The following PPP2R2B variants were observed in gnomAD, a reference collection of about 807,000 sequenced individuals.
PPP2R2B encodes the protein serine/threonine-protein phosphatase 2A 55 kDa regulatory subunit B beta isoform.
A neutral mutation model predicts 46.0 loss-of-function variants in PPP2R2B; 5 were observed. The observed-to-expected ratio is 0.11, with a 90% confidence interval of 0.06 to 0.23. The LOEUF is 0.23. Ranked by LOEUF, PPP2R2B falls within the 10% of genes least tolerant of loss-of-function variation. The pLI is 1.00. For missense variants in PPP2R2B, 367 were observed against 575.0 expected, an observed-to-expected ratio of 0.64 and a Z score of 3.70; for synonymous variants, 215 against 206.7, an observed-to-expected ratio of 1.04 and a Z score of -0.34.
intron 2 of PPP2R2B, among the ~76,000 whole-genome samples, chr5:147,067,224 C>T (rs542194663): frequency 4.1e-4 from 62 of 152,208 alleles, no homozygotes; most frequent in African/African-American, 1.5e-3. Flanking sequence ...GTATACAATA[C>T]CTTGTTATTG....
At chr5:146,752,433 C>T (rs576098100) in intron 2 of PPP2R2B, among the ~76,000 whole-genome samples, 17 of 152,302 alleles carry the variant, frequency 1.1e-4, no homozygotes, top group Non-Finnish European at 7.4e-5. Context: ...CATTTTATTT[C>T]TCAGAACTTA....
intron 1 of PPP2R2B, among the ~76,000 whole-genome samples, chr5:147,026,846 G>A (rs1048659434): frequency 6.6e-6 from 1 of 152,146 alleles, no homozygotes; most frequent in Admixed American, 6.5e-5. Flanking sequence ...CACTGCTGGT[G>A]AGAGTGTAAC....
intron 7 of PPP2R2B, chr5:146,607,319 G>T (rs1395922631): frequency 6.6e-6 from 1 of 152,066 alleles, no homozygotes; most frequent in Non-Finnish European, 1.5e-5. Flanking sequence ...TGCTACCAGG[G>T]GCCTAATGAC....
At chr5:146,781,312 A>C (rs1324473090) in intron 2 of PPP2R2B, among the ~76,000 whole-genome samples, 1 of 151,094 alleles carries the variant, frequency 6.6e-6, no homozygotes, top group East Asian at 1.9e-4. Context: ...CCACTACATT[A>C]TCCTGCCTCT....
intron 1 of PPP2R2B, among the ~76,000 whole-genome samples, chr5:147,018,585 T>C (rs1237052436): frequency 1.3e-5 from 2 of 152,162 alleles, no homozygotes; most frequent in Admixed American, 6.6e-5. Context: ...ATCTAGATTC[T>C]AGAAAATATA....
intron 1 of PPP2R2B, among the ~76,000 whole-genome samples, chr5:147,053,298 A>G (rs1382390093): frequency 2.2e-4 from 34 of 152,038 alleles, no homozygotes; most frequent in Non-Finnish European, 2.9e-5. Context: ...GAAGTTGGGA[A>G]GACAAGCCAA....
At chr5:146,958,130 AGC>A (rs2151839954) in intron 1 of PPP2R2B, among the ~76,000 whole-genome samples, 2 of 152,204 alleles carry the variant, frequency 1.3e-5, no homozygotes, top group South Asian at 4.2e-4. Context: ...CCTCAGATAC[AGC>A]AACGAGCAGA....
chr5:146,687,091 A>G (rs1242984257), intron 5 of PPP2R2B, among the ~76,000 whole-genome samples: 1 of 150,992 alleles, frequency 6.6e-6, no homozygotes, highest in Admixed American at 6.6e-5. Context: ...AGAGAGGGAG[A>G]GGAAGAGAGG....
Position 146,972,096 on chromosome 5 carries a change from G to A in PPP2R2B, c.79+83569C>T, listed in dbSNP as rs191393615. On this transcript the variant is annotated intron_variant, in intron 1 of 8. Coordinates refer to the PPP2R2B transcript ENST00000336640. ...TCACCTGGTTTCTGACAGTCTCTCC[G>A]TCTTCCTTTGCTCTTCATGACCTTA... is the stretch of plus-strand genomic sequence containing the variant. Among the ~76,000 whole-genome samples the A allele has an allele frequency of 1.1e-3, 168 of 152,204 alleles. 1 individual carries two copies. Among genetic ancestry groups the A allele is most frequent in the African/African-American group, 3.5e-3 (144 of 41,530 alleles).
intron 5 of PPP2R2B, among the ~76,000 whole-genome samples, chr5:146,654,228 T>A (rs1388852422): frequency 6.6e-6 from 1 of 152,104 alleles, no homozygotes; most frequent in Non-Finnish European, 1.5e-5. Context: ...GTAACCAACC[T>A]TCCAAGGAAG....
At chr5:147,079,250 A>G (rs1038272981) in intron 2 of PPP2R2B, among the ~76,000 whole-genome samples, 1 of 151,274 alleles carries the variant, frequency 6.6e-6, no homozygotes, top group Admixed American at 6.6e-5. Context: ...AAATCAGTAC[A>G]TAGAAGAGAA....
At chr5:146,777,067 C>T (rs1051941607) in intron 2 of PPP2R2B, among the ~76,000 whole-genome samples, 6 of 151,942 alleles carry the variant, frequency 3.9e-5, no homozygotes, top group Non-Finnish European at 7.4e-5. Flanking sequence ...ATGCAGCTTC[C>T]ATCCTCAAAA....
chr5:146,721,030 T>A (rs909381397), intron 2 of PPP2R2B, among the ~76,000 whole-genome samples: 3 of 152,174 alleles, frequency 2.0e-5, no homozygotes, highest in African/African-American at 7.2e-5. Context: ...TTATTTTTTA[T>A]TTCTTGAAAA....
intron 2 of PPP2R2B, among the ~76,000 whole-genome samples, chr5:146,731,994 C>T (rs1407606547): frequency 6.6e-6 from 1 of 152,234 alleles, no homozygotes; most frequent in South Asian, 2.1e-4. Flanking sequence ...AAGATAAGGT[C>T]CAGGAACTTT....
chr5:146,655,987 A>G (rs1307733203), intron 5 of PPP2R2B, among the ~76,000 whole-genome samples: 1 of 152,180 alleles, frequency 6.6e-6, no homozygotes, highest in Non-Finnish European at 1.5e-5. Flanking sequence ...CAAAGTATAC[A>G]CATAACGATG....
At chr5:147,051,055 G>A (rs1306250735) in intron 1 of PPP2R2B, among the ~76,000 whole-genome samples, 1 of 152,144 alleles carries the variant, frequency 6.6e-6, no homozygotes, top group Non-Finnish European at 1.5e-5. Context: ...GACTGAAGAT[G>A]AGTAGGGCAG....
chr5:146,875,765 A>G (rs1381584541), intron 2 of PPP2R2B, among the ~76,000 whole-genome samples: 1 of 152,224 alleles, frequency 6.6e-6, no homozygotes, highest in African/African-American at 2.4e-5. Flanking sequence ...ATAAGTTAAT[A>G]AGGGGGAAGA....
intron 2 of PPP2R2B, chr5:146,706,742 A>G (rs988709232): frequency 1.2e-5 from 10 of 802,022 alleles, no homozygotes; most frequent in African/African-American, 3.4e-5. Flanking sequence ...CTTCCCAGCC[A>G]GCGTCTGCAG....
chr5:146,778,894 A>T (rs903999300), intron 2 of PPP2R2B, among the ~76,000 whole-genome samples: 1 of 152,194 alleles, frequency 6.6e-6, no homozygotes, highest in Non-Finnish European at 1.5e-5. Flanking sequence ...AGGGCTGCCC[A>T]TCTATGGAAA....
Sources: allele counts gnomAD v4.1 joint callset (sites outside exome capture counted in the v4.1 genomes callset), GRCh38; gene constraint gnomAD v4.1.1; transcripts MANE v1.5; gene names NCBI Gene and HGNC (gene_info 2026-07-23, HGNC 2026-07-21).